The following MCC variants were observed in gnomAD, a reference collection of about 807,000 sequenced individuals.
The protein encoded by MCC is MCC regulator of Wnt signaling pathway, also known as colorectal mutant cancer protein.
In MCC, 90 loss-of-function variants were observed where a neutral mutation model predicts 116.2. That is an observed-to-expected ratio of 0.77 (90% confidence interval 0.65 to 0.92). The LOEUF (loss-of-function observed/expected upper bound fraction) is 0.92, where lower values mean the gene tolerates loss of function less well. Ranked by LOEUF, MCC falls within the 40% of genes least tolerant of loss-of-function variation. MCC has a pLI of 0.00. For missense variants in MCC, 1,516 were observed against 1,312.2 expected, an observed-to-expected ratio of 1.16 and a Z score of -2.40; for synonymous variants, 578 against 510.5, an observed-to-expected ratio of 1.13 and a Z score of -1.78.
intron 2 of MCC, among the ~76,000 whole-genome samples, chr5:113,356,730 T>C (rs984323779): frequency 3.9e-5 from 6 of 152,188 alleles, no homozygotes; most frequent in Non-Finnish European, 8.8e-5. Context: ...AAAGGCACTA[T>C]GCAACCTTCC....
At position 113,023,323 on chromosome 5, in the gene MCC, A is replaced by C. The variant is rs3185733; in HGVS notation, c.*3979T>G. 64,490 of 152,110 alleles carry C rather than the reference A, an allele frequency of 0.42. 15,288 individuals carry two copies. The highest frequency in any genetic ancestry group is 0.63 in the East Asian group (3,251 of 5,168). The allele number at this position is 152,110 out of a possible 1,614,324, so 9.4% of individuals were successfully genotyped here. ...CAGTTACGCCTCTTCTGTAAACTCT[A>C]TAAGAGTGCTCAAAGGTGAATCAAA... On this transcript the variant is annotated 3_prime_UTR_variant, in exon 19 of 19. Coordinates refer to ENST00000408903, the MANE Select transcript of MCC (RefSeq NM_001085377.2).
intron 8 of MCC, among the ~76,000 whole-genome samples, chr5:113,097,903 C>A (rs1756127916): frequency 2.0e-5 from 3 of 152,136 alleles, no homozygotes; most frequent in South Asian, 4.1e-4. Context: ...AGAAGCCAGA[C>A]CCCCAGGATG....
intron 3 of MCC, among the ~76,000 whole-genome samples, chr5:113,335,193 G>T (rs2150376952): frequency 6.6e-6 from 1 of 151,764 alleles, no homozygotes; most frequent in South Asian, 2.1e-4. Context: ...TGCAGAAGGA[G>T]AAATGAAAAG....
At chr5:113,100,907 G>A (rs1037579109) in intron 8 of MCC, among the ~76,000 whole-genome samples, 11 of 152,184 alleles carry the variant, frequency 7.2e-5, no homozygotes, top group Non-Finnish European at 1.6e-4. Context: ...GTGAAGTTCT[G>A]AGGGAAGTGT....
chr5:113,275,504 A>C (rs1175258463), intron 3 of MCC, among the ~76,000 whole-genome samples: 2 of 152,198 alleles, frequency 1.3e-5, no homozygotes, highest in African/African-American at 4.8e-5. Flanking sequence ...ATTAAAAAGG[A>C]CTCCACTAGG....
At chr5:113,028,826 T>G in intron 18 of MCC, 108 bp downstream of exon 18, 1 of 1,347,366 alleles carries the variant, frequency 7.4e-7, no homozygotes, top group Non-Finnish European at 1.0e-6. Flanking sequence ...GAGTTAGTTC[T>G]TAAGAGTTAG....
At chr5:113,243,930 G>A (rs1307175931) in intron 3 of MCC, among the ~76,000 whole-genome samples, 1 of 152,156 alleles carries the variant, frequency 6.6e-6, no homozygotes, top group Non-Finnish European at 1.5e-5. Flanking sequence ...TCCAACACCC[G>A]GCTTGAGCCA....
At chr5:113,177,670 T>C (rs1159688308) in intron 3 of MCC, among the ~76,000 whole-genome samples, 6 of 152,244 alleles carry the variant, frequency 3.9e-5, no homozygotes, top group Non-Finnish European at 7.3e-5. Context: ...TTATAGCAAT[T>C]AGATTTCTTC....
At chr5:113,369,897 G>A (rs78549679) in intron 2 of MCC, among the ~76,000 whole-genome samples, 4,912 of 151,690 alleles carry the variant, frequency 0.032, 107 homozygotes, top group East Asian at 0.076. Context: ...TCTCTCTCTT[G>A]TCTGTTTCCC....
chr5:113,162,517 G>A (rs1760546916), intron 3 of MCC, among the ~76,000 whole-genome samples: 1 of 151,478 alleles, frequency 6.6e-6, no homozygotes, highest in African/African-American at 2.4e-5. Flanking sequence ...TTTTCCCTGA[G>A]ACATGGTCTC....
intron 1 of MCC, among the ~76,000 whole-genome samples, chr5:113,473,646 C>T (rs1253362530): frequency 6.6e-6 from 1 of 152,198 alleles, no homozygotes; most frequent in Non-Finnish European, 1.5e-5. Flanking sequence ...TTTACTCCAT[C>T]TCATAACCTT....
At chr5:113,478,941 T>C (rs1772303796) in intron 1 of MCC, among the ~76,000 whole-genome samples, 1 of 152,224 alleles carries the variant, frequency 6.6e-6, no homozygotes, top group African/African-American at 2.4e-5. Flanking sequence ...GAATATCTGG[T>C]AAGCACTCCA....
chr5:113,262,234 T>C (rs1405897749), intron 3 of MCC, among the ~76,000 whole-genome samples: 5 of 152,162 alleles, frequency 3.3e-5, no homozygotes. Flanking sequence ...GCTCCACAGA[T>C]TGCTAGCAAA....
intron 1 of MCC, chr5:113,433,449 G>A: frequency 1.6e-6 from 1 of 609,282 alleles, no homozygotes; most frequent in Admixed American, 2.6e-5. Flanking sequence ...TGCGGCCAGT[G>A]GGGACCCTCT....
chr5:113,429,326 G>A (rs1198189184), intron 1 of MCC, among the ~76,000 whole-genome samples: 1 of 152,134 alleles, frequency 6.6e-6, no homozygotes, highest in Non-Finnish European at 1.5e-5. Context: ...AGGGCACAGG[G>A]AGAAGGTGGG....
intron 3 of MCC, among the ~76,000 whole-genome samples, chr5:113,237,730 G>A (rs913725496): frequency 2.6e-5 from 4 of 152,196 alleles, no homozygotes; most frequent in Non-Finnish European, 4.4e-5. Flanking sequence ...TCAGCTCCGC[G>A]ATAATTTCTG....
chr5:113,310,324 T>C (rs889168388), intron 3 of MCC, among the ~76,000 whole-genome samples: 1 of 152,234 alleles, frequency 6.6e-6, no homozygotes, highest in Non-Finnish European at 1.5e-5. Flanking sequence ...CCAGAGGAGA[T>C]AGCAACAGGG....
At chr5:113,300,171 A>G (rs115566454) in intron 3 of MCC, among the ~76,000 whole-genome samples, 2,819 of 152,266 alleles carry the variant, frequency 0.019, 89 homozygotes, top group African/African-American at 0.059. Flanking sequence ...GATAAACATC[A>G]GGTTAATTGA....
At position 113,049,114 on chromosome 5, in the gene MCC, G is replaced by C; in HGVS notation, c.2634C>G (p.Gly878=). 1 of 1,614,204 alleles carries C rather than the reference G, an allele frequency of 6.2e-7. No individual in the cohort carries two copies. Reference sequence around the variant, plus strand: ...CTACCTTGCCAGGTTTGTCTTTGCTGCCGCTGCTGGTGGAGCTGAGGGATC... The same window carrying C: ...CTACCTTGCCAGGTTTGTCTTTGCTCCCGCTGCTGGTGGAGCTGAGGGATC... ...RMRSLSSTSS[G]SKDKPGKECA... The change falls in exon 16 of 19, where the codon GGC becomes GGG. Residue 878 remains glycine (G), a synonymous_variant. Coordinates refer to ENST00000408903, the MANE Select transcript of MCC (RefSeq NM_001085377.2).
Sources: gnomAD v4.1 joint callset for allele counts (sites outside exome capture counted in the v4.1 genomes callset) on GRCh38, gnomAD v4.1.1 for gene constraint, MANE v1.5 for transcripts, NCBI Gene and HGNC (gene_info 2026-07-23, HGNC 2026-07-21) for gene names.